The following RC3H1 variants were observed in gnomAD, a reference collection of about 807,000 sequenced individuals.
The protein encoded by RC3H1 is roquin-1.
A neutral mutation model predicts 138.2 loss-of-function variants in RC3H1; 50 were observed. The ratio of observed to expected loss-of-function variants is 0.36; its 90% confidence interval spans 0.29 to 0.46. The LOEUF (loss-of-function observed/expected upper bound fraction) is 0.46. Ranked by LOEUF, RC3H1 falls within the 20% of genes least tolerant of loss-of-function variation. The probability of loss-of-function intolerance (pLI) is 1.00; values close to 1 mark genes in which losing one functional copy is unlikely to be tolerated. For missense variants in RC3H1, 1,031 were observed against 1,388.1 expected, an observed-to-expected ratio of 0.74 and a Z score of 4.09; for synonymous variants, 462 against 489.1, an observed-to-expected ratio of 0.94 and a Z score of 0.73.
Position 173,962,009 on chromosome 1 carries a change from C to T in RC3H1, c.1918G>A (p.Asp640Asn). The part of the protein sequence containing the change: ...SAPEPAPPYL[D>N]HYPPYLQERV... ...TCTTGGAGGTAGGGTGGATAATGAT[C>T]CAAGTAGGGAGGAGCAGGTTCAGGA... Residue 640 changes from aspartate to asparagine, a missense_variant, in exon 12 of 20, where the codon GAT becomes AAT. Coordinates refer to ENST00000367696, the MANE Select transcript of RC3H1 (RefSeq NM_172071.4). The T allele has an allele frequency of 6.2e-7, 1 of 1,613,876 alleles. No individual in the cohort carries two copies. Among genetic ancestry groups the T allele is most frequent in the South Asian group, 1.1e-5 (1 of 91,064 alleles).
intron 1 of RC3H1, among the ~76,000 whole-genome samples, chr1:174,016,422 CTT>C (rs1189625122): frequency 1.1e-4 from 13 of 118,240 alleles, no homozygotes; most frequent in East Asian, 2.4e-4. Flanking sequence ...TTTAAGTTTC[CTT>C]TTTTTTTTTT....
chr1:173,981,025 T>C lies in RC3H1; in HGVS notation c.769-16A>G, dbSNP rs756618444. ...GTTTGGTGACCTAATAAGACACAAA[T>C]AATCTCATAATGAAGTCAAAAAAAT... On this transcript the variant is annotated splice_polypyrimidine_tract_variant and intron_variant, in intron 5 of 19. Coordinates refer to ENST00000367696, the MANE Select transcript of RC3H1 (RefSeq NM_172071.4). 1.2e-6 allele frequency: 2 copies of C among 1,606,982 alleles called. No individual in the cohort carries two copies. Among genetic ancestry groups the C allele is most frequent in the Admixed American group, 3.4e-5 (2 of 59,466 alleles).
intron 1 of RC3H1, chr1:174,016,176 G>C (rs1423863345): frequency 1.3e-5 from 2 of 152,098 alleles, no homozygotes; most frequent in African/African-American, 4.8e-5. Flanking sequence ...ACTCCAGCCT[G>C]GGTGACAGAG....
chr1:173,947,630 GT>G, intron 14 of RC3H1, 48 bp from the exon 15 acceptor site: 1 of 1,446,108 alleles, frequency 6.9e-7, no homozygotes, highest in Middle Eastern at 2.0e-4. Flanking sequence ...AGATCGCTCT[GT>G]AACCTAATTT....
intron 2 of RC3H1, among the ~76,000 whole-genome samples, chr1:173,989,121 T>C (rs1267934622): frequency 6.6e-6 from 1 of 152,240 alleles, no homozygotes; most frequent in African/African-American, 2.4e-5. Flanking sequence ...CTCCATCAGG[T>C]GATCAGGCTC....
At chr1:174,008,976 GAAA>G (rs59047478) in intron 1 of RC3H1, among the ~76,000 whole-genome samples, 29 of 84,210 alleles carry the variant, frequency 3.4e-4, no homozygotes, top group African/African-American at 9.2e-4. Flanking sequence ...GACTTTGTCT[GAAA>G]AAAAAAAAAA....
At chr1:173,995,266 G>A (rs1661435493) in intron 1 of RC3H1, among the ~76,000 whole-genome samples, 1 of 152,122 alleles carries the variant, frequency 6.6e-6, no homozygotes, top group Non-Finnish European at 1.5e-5. Flanking sequence ...AGGCATGGTG[G>A]CCCACACCTG....
At chr1:173,986,066 G>T (rs1661017989) in intron 2 of RC3H1, among the ~76,000 whole-genome samples, 1 of 152,016 alleles carries the variant, frequency 6.6e-6, no homozygotes, top group Non-Finnish European at 1.5e-5. Context: ...CTGTCACCCA[G>T]GCTGGAGTGC....
At position 173,992,699 on chromosome 1, in the gene RC3H1, C is replaced by CACACAG. The variant is rs878958584; in HGVS notation, c.231+55_231+56insCTGTGT. 1.2e-3 allele frequency: 908 copies of CACACAG among 745,900 alleles called. 6 individuals are homozygous for CACACAG. In the African/African-American group the frequency reaches 0.015, roughly 12 times the overall value. 46.2% of individuals were successfully genotyped at this position (745,900 alleles called of 1,614,324 possible). On this transcript the variant is annotated intron_variant, in intron 2 of 19. Coordinates refer to ENST00000367696, the MANE Select transcript of RC3H1 (RefSeq NM_172071.4). ...ACACACACACACACACACACACACA[C>CACACAG]AGAGAGAGAGAGAGAGAGAGGGAGA...
chr1:174,008,633 ATTATT>A (rs571777284), intron 1 of RC3H1, among the ~76,000 whole-genome samples: 10 of 152,308 alleles, frequency 6.6e-5, no homozygotes, highest in African/African-American at 2.4e-4. Flanking sequence ...ATACTGTATT[ATTATT>A]TTATCTTTAT....
chr1:173,983,292 T>G (rs1660895657), intron 4 of RC3H1, 126 bp downstream of exon 4: 1 of 1,194,448 alleles, frequency 8.4e-7, no homozygotes, highest in African/African-American at 1.6e-5. Flanking sequence ...GCCATGAACA[T>G]CAAACAAGAT....
At chr1:174,004,060 A>G (rs1482754966) in intron 1 of RC3H1, among the ~76,000 whole-genome samples, 1 of 147,516 alleles carries the variant, frequency 6.8e-6, no homozygotes, top group African/African-American at 2.5e-5. Context: ...ATATATTATT[A>G]TATATCATAT....
In RC3H1 at chr1:173,935,693, T is replaced by C. The variant is rs1374448509; in HGVS notation, c.*3028A>G. 3 of 152,086 alleles carry C rather than the reference T, an allele frequency of 2.0e-5. No homozygotes were observed. In the East Asian group the frequency reaches 5.8e-4, roughly 29 times the overall value. The allele number at this position is 152,086 out of a possible 1,614,324, so 9.4% of individuals were successfully genotyped here. On this transcript the variant is annotated 3_prime_UTR_variant, in exon 20 of 20. Coordinates refer to ENST00000367696, the MANE Select transcript of RC3H1 (RefSeq NM_172071.4). The stretch of plus-strand genomic sequence containing the variant: ...CATTTGTCCTTACAGGCTCATGATA[T>C]CACAGAGAAAAGGAAAAGGAAAAAA...
Position 173,936,717 on chromosome 1 carries a change from A to AG in RC3H1, c.*2003_*2004insC, listed in dbSNP as rs1281924930. On this transcript the variant is annotated 3_prime_UTR_variant, in exon 20 of 20. Transcript: ENST00000367696. Reference sequence around the variant, plus strand: ...AAAAGCAAACAAAAGCCAAAAAAAAAAGAAAAAGCATACATATATATATAT... The same window carrying AG: ...AAAAGCAAACAAAAGCCAAAAAAAAAGAGAAAAAGCATACATATATATATAT... The AG allele has an allele frequency of 1.5e-5, 2 of 131,528 alleles. No individual in the cohort carries two copies. Among genetic ancestry groups the AG allele is most frequent in the African/African-American group, 5.7e-5 (2 of 34,974 alleles). The allele number at this position is 131,528 out of a possible 1,614,324, so 8.1% of individuals were successfully genotyped here.
chr1:174,003,466 C>A (rs1474136097), intron 1 of RC3H1, among the ~76,000 whole-genome samples: 1 of 151,550 alleles, frequency 6.6e-6, no homozygotes, highest in African/African-American at 2.4e-5. Context: ...ACACCCCTAC[C>A]CATCAACTCA....
At position 173,961,214 on chromosome 1, in the gene RC3H1, G is replaced by A; in HGVS notation, c.2233C>T (p.Pro745Ser). 1.2e-6 allele frequency: 2 copies of A among 1,613,276 alleles called. No individual in the cohort carries two copies. The highest frequency in any genetic ancestry group is 1.3e-5 in the African/African-American group (1 of 74,976). Residue 745 changes from proline (P) to serine (S), a missense_variant, in exon 13 of 20, where the codon CCC (proline) becomes TCC (serine). This residue lies in a region of RC3H1 where 716 missense variants were observed against 837.9 expected (regional missense o/e 0.85). Transcript: ENST00000367696. ...TCATCTAGACTAGGATGAGGCTGGG[G>A]AGGAGGAGGAAGCCGGCTATAAGGA... ...EPPYSRLPPP[P>S]QPHPSLDELH...
chr1:173,985,450 C>A (rs1235808351), intron 2 of RC3H1, among the ~76,000 whole-genome samples: 1 of 152,038 alleles, frequency 6.6e-6, no homozygotes, highest in Admixed American at 6.6e-5. Context: ...AAAGATAATT[C>A]TTCTACTCAT....
Position 173,972,628 on chromosome 1 carries a change from C to G in RC3H1, c.1103-1G>C. On this transcript the variant is annotated splice_acceptor_variant, in intron 7 of 19. Coordinates refer to ENST00000367696, the MANE Select transcript of RC3H1 (RefSeq NM_172071.4). LOFTEE classifies it high-confidence loss of function. ...TGTTCCCAAGTAGGAGGAGGAGCAT[C>G]TATACAACCAATGATAATGTTTTAA... The G allele has an allele frequency of 6.3e-7, 1 of 1,586,594 alleles. No individual in the cohort carries two copies. Among genetic ancestry groups the G allele is most frequent in the Non-Finnish European group, 8.7e-7 (1 of 1,154,964 alleles).
At position 173,961,909 on chromosome 1, in the gene RC3H1, C is replaced by A; in HGVS notation, c.2018G>T (p.Arg673Leu). The A allele has an allele frequency of 6.2e-7, 1 of 1,614,018 alleles. No individual in the cohort carries two copies. The highest frequency in any genetic ancestry group is 2.2e-5 in the East Asian group (1 of 44,876). The change falls in exon 12 of 20, where the codon CGT becomes CTT. Residue 673 changes from arginine (R) to leucine (L), a missense_variant. Arg to Leu is a moderately radical substitution (Grantham distance 102). Transcript: ENST00000367696. Reference protein sequence around the residue: ...PPIYPSHYDGRRVYPAPSYTR... With the variant: ...PPIYPSHYDGLRVYPAPSYTR... ...GTAAGACGGAGCAGGGTACACTCGA[C>A]GGCCATCATAGTGAGATGGGTATAT...
Sources: gnomAD v4.1 joint callset for allele counts (sites outside exome capture counted in the v4.1 genomes callset) on GRCh38, gnomAD v4.1.1 for gene constraint, gnomAD v4.1.1 regional missense constraint, MANE v1.5 for transcripts, NCBI Gene and HGNC (gene_info 2026-07-23, HGNC 2026-07-21) for gene names.